CAGE1: variants seen among roughly 807,000 people sequenced by gnomAD.
CAGE1 encodes cancer antigen 1, also known as cancer-associated gene 1 protein.
CAGE1 carries 66 observed loss-of-function variants against 94.9 expected under a neutral mutation model. The observed-to-expected ratio is 0.70, with a 90% confidence interval of 0.57 to 0.85. The LOEUF (loss-of-function observed/expected upper bound fraction) is 0.85. Among genes scored for constraint, CAGE1 ranks in the 40% least tolerant of loss-of-function variants. CAGE1 has a pLI of 0.00. For missense variants in CAGE1, 865 were observed against 950.4 expected (o/e 0.91, Z 1.18); for synonymous variants, 319 against 321.0 (o/e 0.99, Z 0.07).
Position 7,349,167 on chromosome 6 carries a change from C to A in CAGE1, c.2369+5874G>T, listed in dbSNP as rs567281549. Among the ~76,000 whole-genome samples the A allele has an allele frequency of 6.6e-5, 10 of 152,250 alleles. No individual in the cohort carries two copies. In the South Asian group the frequency reaches 2.1e-3, roughly 32 times the overall value. On this transcript the variant is annotated intron_variant, in intron 11 of 13. Coordinates refer to ENST00000502583, the MANE Select transcript of CAGE1 (RefSeq NM_001170692.2). ...TCTTAAGAGCTGTGAGACAGAAGCA[C>A]CAGGTAACCTATAAAGGAAACTTAT...
chr6:7,365,846 C>T lies in CAGE1; in HGVS notation c.2043G>A (p.Glu681=), dbSNP rs149121929. Residue 681 remains glutamate (E), a synonymous_variant, in exon 8 of 14, where the codon GAG becomes GAA. Transcript: ENST00000502583. ...KHKDRITTFR[E]LIAKEKAFQD... is the part of the protein sequence containing the mutation. ...GAAATGCTTTTTCCTTAGCAATTAA[C>T]TCTCTAAAGGTTGTGATTCTATCTT... is the stretch of plus-strand genomic sequence containing the variant. The T allele has an allele frequency of 1.3e-6, 2 of 1,540,420 alleles. No homozygotes were observed. Among genetic ancestry groups the T allele is most frequent in the Non-Finnish European group, 8.8e-7 (1 of 1,139,630 alleles).
rs1052909355 is a variant in CAGE1 at position 7,365,803 on chromosome 6, C to T, written c.2085+1G>A. Reference sequence around the variant, plus strand: ...TAGTACGTAGTAAATATTAAGCTCACCTTAATAGCATGATCTTGAAATGCT... The same window carrying T: ...TAGTACGTAGTAAATATTAAGCTCATCTTAATAGCATGATCTTGAAATGCT... On this transcript the variant is annotated splice_donor_variant, in intron 8 of 13. Coordinates refer to ENST00000502583, the MANE Select transcript of CAGE1 (RefSeq NM_001170692.2). LOFTEE classifies it high-confidence loss of function. 6.7e-7 allele frequency: 1 copy of T among 1,496,970 alleles called. No homozygotes were observed. The highest frequency in any genetic ancestry group is 1.2e-5 in the South Asian group (1 of 81,092). The allele number at this position is 1,496,970 out of a possible 1,614,324, so 92.7% of individuals were successfully genotyped here. A position where few individuals can be genotyped will look rare whatever the true frequency, so the allele number is the denominator to read the frequency against.
At position 7,368,804 on chromosome 6, in the gene CAGE1, G is replaced by GGTAA. The variant is rs1196651442; in HGVS notation, c.1894-10_1894-7dup. 6.7e-7 allele frequency: 1 copy of GGTAA among 1,498,524 alleles called. No individual in the cohort carries two copies. Among genetic ancestry groups the GGTAA allele is most frequent in the Non-Finnish European group, 9.0e-7 (1 of 1,115,450 alleles). 92.8% of individuals were successfully genotyped at this position (1,498,524 alleles called of 1,614,324 possible). On this transcript the variant is annotated splice_polypyrimidine_tract_variant and splice_region_variant and intron_variant, in intron 6 of 13. Coordinates refer to ENST00000502583, the MANE Select transcript of CAGE1 (RefSeq NM_001170692.2). Reference sequence around the variant, plus strand: ...GCATCAGAATTGATGATGTCCTAAGGGTAAGAGTTTCAGAAGCTAGATGAA... The same window carrying GGTAA: ...GCATCAGAATTGATGATGTCCTAAGGGTAAGTAAGAGTTTCAGAAGCTAGATGAA...
intron 12 of CAGE1, chr6:7,331,439 A>G (rs1348102342): frequency 5.9e-6 from 3 of 504,516 alleles, no homozygotes; most frequent in Non-Finnish European, 1.0e-5. Flanking sequence ...AGACTGTTCC[A>G]ATACCAGCAG....
intron 9 of CAGE1, among the ~76,000 whole-genome samples, chr6:7,357,754 T>A (rs1219866638): frequency 6.6e-6 from 1 of 151,814 alleles, no homozygotes; most frequent in African/African-American, 2.4e-5. Flanking sequence ...ATATTTAAAG[T>A]GTATGGTTTG....
At chr6:7,352,490 A>G (rs1340288047) in intron 11 of CAGE1, among the ~76,000 whole-genome samples, 3 of 152,150 alleles carry the variant, frequency 2.0e-5, no homozygotes. Context: ...TACAAATGCA[A>G]TACAATCCCC....
At chr6:7,343,488 T>C (rs1384934160) in intron 11 of CAGE1, among the ~76,000 whole-genome samples, 1 of 152,214 alleles carries the variant, frequency 6.6e-6, no homozygotes, top group African/African-American at 2.4e-5. Flanking sequence ...AAATTTTCTG[T>C]TATTTTTGAT....
intron 3 of CAGE1, 35 bp from the exon 4 acceptor site, chr6:7,379,055 G>A: frequency 7.4e-7 from 1 of 1,358,950 alleles, no homozygotes; most frequent in Non-Finnish European, 9.8e-7. Context: ...ATAAAAACGA[G>A]TAGACCATGA....
At chr6:7,358,821 A>G (rs1760070163) in intron 9 of CAGE1, among the ~76,000 whole-genome samples, 2 of 152,184 alleles carry the variant, frequency 1.3e-5, no homozygotes, top group Admixed American at 6.5e-5. Context: ...GATACCCTGT[A>G]AACAATAACC....
intron 11 of CAGE1, chr6:7,338,738 A>C (rs1581659333): frequency 4.4e-6 from 3 of 675,532 alleles, no homozygotes; most frequent in South Asian, 1.6e-5. Context: ...CCCAAAGTCC[A>C]CTGTATCATT....
At position 7,339,163 on chromosome 6, in the gene CAGE1, C is replaced by A. The variant is rs1292186452; in HGVS notation, c.2370-5073G>T. On this transcript the variant is annotated intron_variant, in intron 11 of 13. Coordinates refer to ENST00000502583, the MANE Select transcript of CAGE1 (RefSeq NM_001170692.2). This position sits in a 1 kb window ranked among gnomAD's most constrained non-coding sequence, Gnocchi z 4.7. ...CCTCAGAGTTTCCCAGACACCACGA[C>A]CTCACAGCCTTTGGCCCCAGTTTCC... is the stretch of plus-strand genomic sequence containing the variant. 3.3e-6 allele frequency: 5 copies of A among 1,517,742 alleles called. No homozygotes were observed. In the Admixed American group the frequency reaches 6.7e-5, roughly 20 times the overall value. The allele number at this position is 1,517,742 out of a possible 1,614,324, so 94.0% of individuals were successfully genotyped here. A position where few individuals can be genotyped will look rare whatever the true frequency, so the allele number is the denominator to read the frequency against.
At chr6:7,345,430 T>C (rs1351425027) in intron 11 of CAGE1, among the ~76,000 whole-genome samples, 1 of 152,206 alleles carries the variant, frequency 6.6e-6, no homozygotes, top group Admixed American at 6.5e-5. Flanking sequence ...TGCAGGGGTC[T>C]GTGGTTTCAT....
intron 11 of CAGE1, among the ~76,000 whole-genome samples, chr6:7,345,415 C>T (rs796273358): frequency 1.2e-4 from 18 of 152,296 alleles, no homozygotes; most frequent in African/African-American, 3.6e-4. Context: ...AGCTGTAACC[C>T]TCACTGCAGG....
At chr6:7,337,188 G>A (rs2113355441) in intron 11 of CAGE1, among the ~76,000 whole-genome samples, 1 of 152,100 alleles carries the variant, frequency 6.6e-6, no homozygotes, top group African/African-American at 2.4e-5. Flanking sequence ...TTAGCCCAGT[G>A]TGGTGGCGTG....
chr6:7,384,015 C>T (rs999054829), intron 3 of CAGE1, among the ~76,000 whole-genome samples: 2 of 152,084 alleles, frequency 1.3e-5, no homozygotes, highest in African/African-American at 4.8e-5. Flanking sequence ...GTTTTAATAG[C>T]TCATCTGTAG....
chr6:7,352,290 C>CAAAAAAAAAAAACAAAAA (rs1759798360), intron 11 of CAGE1, among the ~76,000 whole-genome samples: 10 of 43,620 alleles, frequency 2.3e-4, no homozygotes, highest in African/African-American at 4.1e-4. Flanking sequence ...ACAATAGCTG[C>CAAAAAAAAAAAACAAAAA]AAAAAAAAAA....
chr6:7,374,231 GTT>G, intron 4 of CAGE1, 100 bp from the exon 5 acceptor site: 1 of 950,022 alleles, frequency 1.1e-6, no homozygotes. Flanking sequence ...TAGATCCCCT[GTT>G]TGGCTTTCTC....
At chr6:7,331,134 T>C (rs1758735528) in intron 12 of CAGE1, among the ~76,000 whole-genome samples, 1 of 152,216 alleles carries the variant, frequency 6.6e-6, no homozygotes, top group African/African-American at 2.4e-5. Flanking sequence ...CTATTTTCTT[T>C]CTCTCTTTCT....
intron 12 of CAGE1, among the ~76,000 whole-genome samples, chr6:7,333,642 C>CTATATATATATATA (rs773887819): frequency 1.6e-4 from 20 of 121,490 alleles, no homozygotes; most frequent in Non-Finnish European, 3.4e-4. Flanking sequence ...ATCTAACTAT[C>CTATATATATATATA]TATATATATA....
Sources: allele counts gnomAD v4.1 joint callset (sites outside exome capture counted in the v4.1 genomes callset), GRCh38; gene constraint gnomAD v4.1.1; non-coding constraint Gnocchi (gnomAD v3.1); transcripts MANE v1.5; gene names NCBI Gene and HGNC (gene_info 2026-07-23, HGNC 2026-07-21).